The following UBTD1 variants were observed in gnomAD, a reference collection of about 807,000 sequenced individuals.
The protein encoded by UBTD1 is ubiquitin domain containing 1, also known as ubiquitin domain-containing protein 1.
UBTD1 carries 19 observed loss-of-function variants against 21.7 expected under a neutral mutation model. The ratio of observed to expected loss-of-function variants is 0.87; its 90% CI spans 0.61 to 1.28. The LOEUF (loss-of-function observed/expected upper bound fraction) is 1.28. UBTD1 is among the 50% of genes most tolerant of loss of function. The probability of loss-of-function intolerance (pLI) is 0.00; values close to 1 mark genes in which losing one functional copy is unlikely to be tolerated. For missense variants in UBTD1, 282 were observed against 315.1 expected (o/e 0.89, Z 0.80); for synonymous variants, 116 against 135.1 (o/e 0.86, Z 0.98).
In UBTD1 at chr10:97,550,765, A is replaced by G. The variant is rs143884851; in HGVS notation, c.71-17149A>G. On this transcript the variant is annotated intron_variant, in intron 1 of 2. Transcript: ENST00000370664. ...CACACACGCATACACACTCACACTCATAGATGCACACCAGCTCTGGGCAAC... is the reference window on the plus strand; with the variant it reads ...CACACACGCATACACACTCACACTCGTAGATGCACACCAGCTCTGGGCAAC... Among the ~76,000 whole-genome samples the G allele has an allele frequency of 7.1e-4, 108 of 152,322 alleles. 4 individuals carry two copies. The East Asian group carries it at 0.012, about 17-fold the overall frequency.
intron 1 of UBTD1, among the ~76,000 whole-genome samples, chr10:97,502,424 G>A (rs566888986): frequency 6.2e-4 from 94 of 152,138 alleles, no homozygotes; most frequent in African/African-American, 2.1e-3. Flanking sequence ...CTCCCCCAGC[G>A]CCACTGTAAC....
chr10:97,551,172 G>A (rs1264903456), intron 1 of UBTD1, among the ~76,000 whole-genome samples: 4 of 152,108 alleles, frequency 2.6e-5, no homozygotes, highest in East Asian at 3.9e-4. Context: ...ATCCTAATAC[G>A]GGAGGTTTCG....
chr10:97,507,301 C>T (rs2040403245), intron 1 of UBTD1, among the ~76,000 whole-genome samples: 1 of 152,052 alleles, frequency 6.6e-6, no homozygotes, highest in Non-Finnish European at 1.5e-5. Flanking sequence ...AAAGAGCAGT[C>T]CCTCCAAATC....
chr10:97,541,640 T>C (rs774791807), intron 1 of UBTD1, among the ~76,000 whole-genome samples: 40 of 152,164 alleles, frequency 2.6e-4, no homozygotes, highest in Admixed American at 5.2e-4. Flanking sequence ...TCCCATTTTA[T>C]GGATGTGGAA....
chr10:97,531,572 G>T (rs150857422), intron 1 of UBTD1, among the ~76,000 whole-genome samples: 7 of 152,276 alleles, frequency 4.6e-5, no homozygotes, highest in Non-Finnish European at 7.4e-5. Context: ...TCTTTTAAAT[G>T]TAAAAAATAA....
At chr10:97,557,641 A>G (rs2040671285) in intron 1 of UBTD1, among the ~76,000 whole-genome samples, 1 of 152,138 alleles carries the variant, frequency 6.6e-6, no homozygotes, top group Non-Finnish European at 1.5e-5. Context: ...ACAAGCATCA[A>G]ATTTTAAGGT....
At chr10:97,518,244 C>T (rs1466795343) in intron 1 of UBTD1, among the ~76,000 whole-genome samples, 5 of 152,144 alleles carry the variant, frequency 3.3e-5, no homozygotes, top group East Asian at 1.9e-4. Context: ...GGGGTTGAGG[C>T]GAGGACCTGA....
intron 1 of UBTD1, among the ~76,000 whole-genome samples, chr10:97,543,588 T>G (rs1235274277): frequency 6.6e-6 from 1 of 152,186 alleles, no homozygotes; most frequent in African/African-American, 2.4e-5. Flanking sequence ...TTGGCAGATG[T>G]GCTTGGACAG....
At position 97,570,692 on chromosome 10, in the gene UBTD1, G is replaced by C. The variant is rs754022686; in HGVS notation, c.*169G>C. ...GGGCACTACGCGCCACCAGTTCCCG[G>C]TACCCAGGGAGCAGGCAGCCACACA... On this transcript the variant is annotated 3_prime_UTR_variant, in exon 3 of 3. Transcript: ENST00000370664. This position sits in a 1 kb window ranked among gnomAD's most constrained non-coding sequence, Gnocchi z 6.6. The C allele has an allele frequency of 2.7e-5, 22 of 806,786 alleles. No homozygotes were observed. The highest frequency in any genetic ancestry group is 4.0e-5 in the Non-Finnish European group (21 of 523,338). 50.0% of individuals were successfully genotyped at this position (806,786 alleles called of 1,614,324 possible). A position where few individuals can be genotyped will look rare whatever the true frequency, so the allele number is the denominator to read the frequency against.
At chr10:97,526,834 G>C (rs1000182053) in intron 1 of UBTD1, among the ~76,000 whole-genome samples, 9 of 121,520 alleles carry the variant, frequency 7.4e-5, no homozygotes, top group African/African-American at 2.9e-4. Flanking sequence ...CAGCCTGGGT[G>C]ACAGAGCAAG....
At position 97,537,928 on chromosome 10, in the gene UBTD1, C is replaced by T. The variant is rs150415801; in HGVS notation, c.71-29986C>T. On this transcript the variant is annotated intron_variant, in intron 1 of 2. Transcript: ENST00000370664. Reference sequence around the variant, plus strand: ...GCAACCTCTACCTCCCAGGTTCAAGCGATTCTTGTGCCTCAGCCTCCCAAG... The same window carrying T: ...GCAACCTCTACCTCCCAGGTTCAAGTGATTCTTGTGCCTCAGCCTCCCAAG... 7.0e-3 allele frequency among the ~76,000 whole-genome samples: 1,048 copies of T among 150,212 alleles called. 38 individuals are homozygous for T. The highest frequency in any genetic ancestry group is 0.061 in the East Asian group (309 of 5,088).
At chr10:97,536,574 C>T (rs752189605) in intron 1 of UBTD1, among the ~76,000 whole-genome samples, 6 of 152,184 alleles carry the variant, frequency 3.9e-5, no homozygotes, top group Admixed American at 2.0e-4. Flanking sequence ...ACCAGTGTCT[C>T]GTAGGAGGCC....
chr10:97,516,230 C>T (rs2040443643), intron 1 of UBTD1, among the ~76,000 whole-genome samples: 1 of 152,236 alleles, frequency 6.6e-6, no homozygotes, highest in Non-Finnish European at 1.5e-5. Flanking sequence ...GGCTGGAAGG[C>T]AGTCAGGAGT....
intron 1 of UBTD1, among the ~76,000 whole-genome samples, chr10:97,501,425 A>G (rs562098799): frequency 2.0e-5 from 3 of 152,286 alleles, no homozygotes; most frequent in East Asian, 3.9e-4. Flanking sequence ...TGTCTCTACT[A>G]AAAATACAAA....
chr10:97,539,488 G>A (rs946729645), intron 1 of UBTD1, among the ~76,000 whole-genome samples: 3 of 151,996 alleles, frequency 2.0e-5, no homozygotes, highest in African/African-American at 4.8e-5. Context: ...CCAGCTACTC[G>A]GGAGGCTAAG....
chr10:97,553,470 C>T (rs766865280), intron 1 of UBTD1, among the ~76,000 whole-genome samples: 2 of 152,180 alleles, frequency 1.3e-5, no homozygotes, highest in African/African-American at 2.4e-5. Flanking sequence ...TGTTCATCAT[C>T]GACTTGTCTA....
At chr10:97,509,962 T>TTTTTTC (rs2040416734) in intron 1 of UBTD1, among the ~76,000 whole-genome samples, 1 of 149,730 alleles carries the variant, frequency 6.7e-6, no homozygotes, top group African/African-American at 2.5e-5. Flanking sequence ...TGGCCTTTTT[T>TTTTTTC]TTTTTCTTTT....
chr10:97,523,275 G>A (rs539254042), intron 1 of UBTD1, among the ~76,000 whole-genome samples: 1 of 152,342 alleles, frequency 6.6e-6, no homozygotes, highest in Non-Finnish European at 1.5e-5. Flanking sequence ...GGAATTTCAT[G>A]AATTGTGGCA....
chr10:97,544,244 G>A (rs2040599026), intron 1 of UBTD1, among the ~76,000 whole-genome samples: 1 of 150,944 alleles, frequency 6.6e-6, no homozygotes, highest in African/African-American at 2.4e-5. Context: ...AGTGAGCCAA[G>A]TTCACGCCAT....
Sources: gnomAD v4.1 joint callset for allele counts (sites outside exome capture counted in the v4.1 genomes callset) on GRCh38, gnomAD v4.1.1 for gene constraint, Gnocchi (gnomAD v3.1) non-coding constraint, MANE v1.5 for transcripts, NCBI Gene and HGNC (gene_info 2026-07-23, HGNC 2026-07-21) for gene names.